The following DHCR7 variants were observed in gnomAD, a reference collection of about 807,000 sequenced individuals.
The protein encoded by DHCR7 is 7-DHC reductase.
DHCR7 carries 40 observed loss-of-function variants against 43.3 expected under a neutral mutation model. The ratio of observed to expected loss-of-function variants is 0.92; its 90% CI spans 0.72 to 1.20. The LOEUF (loss-of-function observed/expected upper bound fraction) is 1.20, where lower values mean the gene tolerates loss of function less well. DHCR7 is among the 50% of genes most tolerant of loss of function. The pLI is 0.00. For missense variants in DHCR7, 608 were observed against 644.6 expected, an observed-to-expected ratio of 0.94 and a Z score of 0.62; for synonymous variants, 298 against 271.4, an observed-to-expected ratio of 1.10 and a Z score of -0.96.
rs1301873688 is a variant in DHCR7, at chr11:71,444,848, TCCTTA to T, written c.98+2_98+6del. On this transcript the variant is annotated splice_donor_variant and splice_donor_5th_base_variant and intron_variant, in intron 3 of 8. Coordinates refer to ENST00000355527, the MANE Select transcript of DHCR7 (RefSeq NM_001360.3). LOFTEE classifies it high-confidence loss of function. ...TTTCTAGCTGGGAGAACAGGCAAGATCCTTACCAGGCACGGCCCCACTGCCCTTGA... is the reference window on the plus strand; with the variant it reads ...TTTCTAGCTGGGAGAACAGGCAAGATCCAGGCACGGCCCCACTGCCCTTGA... 2 of 1,612,896 alleles carry T rather than the reference TCCTTA, an allele frequency of 1.2e-6. No homozygotes were observed. Among genetic ancestry groups the T allele is most frequent in the Non-Finnish European group, 1.7e-6 (2 of 1,178,980 alleles).
chr11:71,443,321 C>G (rs1949367484), intron 4 of DHCR7, among the ~76,000 whole-genome samples: 1 of 152,180 alleles, frequency 6.6e-6, no homozygotes, highest in African/African-American at 2.4e-5. Context: ...AAGCTTGGAC[C>G]CTGGGGAGAA....
At position 71,441,309 on chromosome 11, in the gene DHCR7, A is replaced by G; in HGVS notation, c.544T>C (p.Trp182Arg). 1 of 1,614,220 alleles carries G rather than the reference A, an allele frequency of 6.2e-7. No individual in the cohort carries two copies. The highest frequency in any genetic ancestry group is 2.2e-5 in the East Asian group (1 of 44,880). The change falls in exon 6 of 9, where the codon TGG (tryptophan) becomes CGG (arginine). Residue 182 changes from tryptophan to arginine, a missense_variant. Transcript: ENST00000355527. The part of the protein sequence containing the change: ...IIFDNWIPLL[W>R]CANILGYAVS... Reference sequence around the variant, plus strand: ...GCATAGCCAAGGATGTTGGCGCACCACAGCAGTGGGATCCAGTTGTCGAAG... The same window carrying G: ...GCATAGCCAAGGATGTTGGCGCACCGCAGCAGTGGGATCCAGTTGTCGAAG...
In DHCR7 at chr11:71,435,369, G is replaced by A. The variant is rs1039813327; in HGVS notation, c.*6C>T. ...GCCCCACAGGGCTTCTCCCTAGGGC[G>A]TGCCCTTAGAAGATTCCAGGCAGCA... On this transcript the variant is annotated 3_prime_UTR_variant, in exon 9 of 9. Transcript: ENST00000355527. 8.7e-6 allele frequency: 14 copies of A among 1,610,900 alleles called. No homozygotes were observed. Among genetic ancestry groups the A allele is most frequent in the East Asian group, 2.2e-5 (1 of 44,886 alleles).
rs376263149 is a variant in DHCR7 at position 71,444,191 on chromosome 11, C to A, written c.123G>T (p.Ala41=). 4.4e-6 allele frequency: 7 copies of A among 1,598,368 alleles called. No individual in the cohort carries two copies. The South Asian group carries it at 7.9e-5, about 18-fold the overall frequency. ...CGAACAGCAGTAGGAAGATGACGCT[C>A]GCCAGTGAAAACCAGTCCACCTCCC... ...RAWEVDWFSL[A]SVIFLLLFAP... is the part of the protein sequence containing the mutation. Residue 41 remains alanine (A), a synonymous_variant, in exon 4 of 9, where the codon GCG becomes GCT. Transcript: ENST00000355527.
intron 2 of DHCR7, among the ~76,000 whole-genome samples, chr11:71,445,890 T>G (rs989702061): frequency 1.3e-5 from 2 of 152,240 alleles, no homozygotes; most frequent in Non-Finnish European, 2.9e-5. Context: ...AACAGCAAGC[T>G]GGATTCTAGA....
intron 6 of DHCR7, 109 bp downstream of exon 6, chr11:71,441,118 G>A (rs544442123): frequency 5.0e-5 from 51 of 1,016,716 alleles, no homozygotes; most frequent in Admixed American, 1.1e-4. Context: ...CCTCTTCCAC[G>A]GATTCTCAGT....
At chr11:71,443,390 C>T (rs1019170114) in intron 4 of DHCR7, among the ~76,000 whole-genome samples, 1 of 152,166 alleles carries the variant, frequency 6.6e-6, no homozygotes, top group African/African-American at 2.4e-5. Context: ...AGGCCTGTCT[C>T]TTTCTAGCAC....
intron 3 of DHCR7, 82 bp downstream of exon 3, chr11:71,444,773 T>C (rs1465703036): frequency 7.9e-6 from 10 of 1,265,002 alleles, no homozygotes; most frequent in Non-Finnish European, 4.6e-6. Flanking sequence ...CTTCATTCCT[T>C]TGGGTCCATA....
intron 8 of DHCR7, among the ~76,000 whole-genome samples, chr11:71,437,478 G>C (rs970071345): frequency 6.6e-6 from 1 of 152,124 alleles, no homozygotes; most frequent in African/African-American, 2.4e-5. Context: ...GGAACTCCCA[G>C]GGCAGCCCTG....
intron 7 of DHCR7, among the ~76,000 whole-genome samples, chr11:71,438,293 C>G (rs1309690823): frequency 1.3e-5 from 2 of 152,188 alleles, no homozygotes; most frequent in Non-Finnish European, 2.9e-5. Flanking sequence ...GACAGGCCTC[C>G]CTCACCCTCT....
downstream of DHCR7, among the ~76,000 whole-genome samples, chr11:71,430,639 A>T (rs1425084911): frequency 6.6e-6 from 1 of 152,248 alleles, no homozygotes; most frequent in Non-Finnish European, 1.5e-5. Flanking sequence ...CCCAGCATCC[A>T]AAAAGAATGA....
chr11:71,428,916 AAAT>A (rs1245525112), intron 2 of DHCR7: 3 of 453,796 alleles, frequency 6.6e-6, no homozygotes, highest in African/African-American at 4.0e-5. Context: ...TTAAAGAAAA[AAAT>A]AATAACCATG....
Position 71,434,541 on chromosome 11 carries a change from C to G in DHCR7, c.*834G>C, listed in dbSNP as rs1949249804. Reference sequence around the variant, plus strand: ...GAAGAAAGCACAGAAAAGGAGGTGCCCTCCCGAGGCTGGGACTGAGACCTC... The same window carrying G: ...GAAGAAAGCACAGAAAAGGAGGTGCGCTCCCGAGGCTGGGACTGAGACCTC... On this transcript the variant is annotated 3_prime_UTR_variant, in exon 9 of 9. Coordinates refer to ENST00000355527, the MANE Select transcript of DHCR7 (RefSeq NM_001360.3). 1 of 155,204 alleles carries G rather than the reference C, an allele frequency of 6.4e-6. No homozygotes were observed. The highest frequency in any genetic ancestry group is 2.4e-5 in the African/African-American group (1 of 41,430). 9.6% of individuals were successfully genotyped at this position (155,204 alleles called of 1,614,324 possible).
At chr11:71,443,788 A>C (rs958683932) in intron 4 of DHCR7, among the ~76,000 whole-genome samples, 3 of 152,136 alleles carry the variant, frequency 2.0e-5, no homozygotes, top group Admixed American at 6.5e-5. Context: ...AGGTGTATCA[A>C]ACGCTGATGT....
At chr11:71,430,548 G>A (rs951214090), downstream of DHCR7, among the ~76,000 whole-genome samples, 1 of 152,208 alleles carries the variant, frequency 6.6e-6, no homozygotes, top group South Asian at 2.1e-4. Context: ...GTCATGTGGG[G>A]TGGCTGCCCT....
In DHCR7 at chr11:71,434,741, A is replaced by G. The variant is rs1949252345; in HGVS notation, c.*634T>C. The G allele has an allele frequency of 8.8e-6, 2 of 226,376 alleles. No individual in the cohort carries two copies. Among genetic ancestry groups the G allele is most frequent in the South Asian group, 5.7e-5 (1 of 17,564 alleles). 14.0% of individuals were successfully genotyped at this position (226,376 alleles called of 1,614,324 possible). The stretch of plus-strand genomic sequence containing the variant: ...CTGAAAGGCCACAGCCGGTGCTGGG[A>G]CCTCTCTGAGGTCTGCAGACTCCAG... On this transcript the variant is annotated 3_prime_UTR_variant, in exon 9 of 9. Transcript: ENST00000355527.
Position 71,435,431 on chromosome 11 carries a change from C to T in DHCR7, c.1372G>A (p.Asp458Asn). The change falls in exon 9 of 9, where the codon GAC becomes AAC. Residue 458 changes from aspartate to asparagine, a missense_variant. Transcript: ENST00000355527. ...ACTGCGGCGGTGTAGCGCTCCCAGT[C>T]CCGGCCGTACTTGCTGGCGCAGCGG... ...EHRCASKYGR[D>N]WERYTAAVPY... 6.2e-7 allele frequency: 1 copy of T among 1,612,772 alleles called. No individual in the cohort carries two copies. The highest frequency in any genetic ancestry group is 1.1e-5 in the South Asian group (1 of 91,072).
rs769783115 is a variant in DHCR7, at chr11:71,435,663, G to T, written c.1140C>A (p.Cys380Ter). Residue 380 changes from cysteine to a stop codon, truncating the protein, a stop_gained, in exon 9 of 9, where the codon TGC becomes TGA. Coordinates refer to ENST00000355527, the MANE Select transcript of DHCR7 (RefSeq NM_001360.3). LOFTEE classifies it high-confidence loss of function. ...IWGRKPKVIE[C>*]SYTSADGQRH... ...TCTGCCCATCGGCGGATGTGTAGGA[G>T]CACTCGATGACCTTGGGCTTCCTGC... The T allele has an allele frequency of 2.5e-6, 4 of 1,613,026 alleles. No homozygotes were observed. The East Asian group carries it at 8.9e-5, about 36-fold the overall frequency.
chr11:71,427,299 A>C (rs964354080), downstream of DHCR7, among the ~76,000 whole-genome samples: 1 of 152,128 alleles, frequency 6.6e-6, no homozygotes, highest in Non-Finnish European at 1.5e-5. Context: ...AACGTGGCAC[A>C]CCCATTTATT....
Sources: allele counts gnomAD v4.1 joint callset (sites outside exome capture counted in the v4.1 genomes callset), GRCh38; gene constraint gnomAD v4.1.1; transcripts MANE v1.5; gene names NCBI Gene and HGNC (gene_info 2026-07-23, HGNC 2026-07-21).